Variants in WDFY3 observed in about 807,000 individuals in gnomAD.
The protein encoded by WDFY3 is WD repeat and FYVE domain containing 3, also known as WD repeat and FYVE domain-containing protein 3.
Under a neutral mutation model 409.6 loss-of-function variants are expected in WDFY3, and 66 were observed. The observed-to-expected ratio is 0.16, with a 90% CI of 0.13 to 0.20. The LOEUF (loss-of-function observed/expected upper bound fraction) is 0.20, where lower values mean the gene tolerates loss of function less well. WDFY3 is among the 10% of genes least tolerant of loss of function. The pLI is 1.00. For missense variants in WDFY3, 3,031 were observed against 4,298.1 expected, an observed-to-expected ratio of 0.71 and a Z score of 8.24; for synonymous variants, 1,521 against 1,537.1, an observed-to-expected ratio of 0.99 and a Z score of 0.25.
At chr4:84,882,714 CTA>C (rs1302839844) in intron 3 of WDFY3, among the ~76,000 whole-genome samples, 1 of 150,952 alleles carries the variant, frequency 6.6e-6, no homozygotes, top group South Asian at 2.1e-4. Flanking sequence ...ATTGTTTCAC[CTA>C]TATTTTTTTT....
chr4:84,700,741 C>T (rs1035577879), intron 56 of WDFY3, among the ~76,000 whole-genome samples: 1 of 152,184 alleles, frequency 6.6e-6, no homozygotes, highest in Non-Finnish European at 1.5e-5. Flanking sequence ...ATATTTGTCT[C>T]TTTGACAGTG....
At chr4:84,717,743 C>T (rs58516106) in intron 48 of WDFY3, among the ~76,000 whole-genome samples, 4,426 of 152,126 alleles carry the variant, frequency 0.029, 215 homozygotes, top group African/African-American at 0.1. Context: ...TAGGGTGCTC[C>T]GAGTACCTGA....
chr4:84,850,983 T>G (rs1758927749), intron 4 of WDFY3, among the ~76,000 whole-genome samples: 1 of 137,084 alleles, frequency 7.3e-6, no homozygotes, highest in Non-Finnish European at 1.5e-5. Flanking sequence ...AACTGGTTCT[T>G]GCTATATTGC....
chr4:84,913,616 G>A (rs1380989069), intron 2 of WDFY3, among the ~76,000 whole-genome samples: 1 of 152,022 alleles, frequency 6.6e-6, no homozygotes, highest in African/African-American at 2.4e-5. Flanking sequence ...AAAAAAAATC[G>A]ACATTAGACA....
At chr4:84,934,203 A>C (rs189175863) in intron 1 of WDFY3, among the ~76,000 whole-genome samples, 2 of 152,234 alleles carry the variant, frequency 1.3e-5, no homozygotes, top group Admixed American at 1.3e-4. Context: ...TGTCTTTTGC[A>C]TAAAAGCCAT....
chr4:84,851,803 G>A (rs371538174), intron 4 of WDFY3, among the ~76,000 whole-genome samples: 2 of 152,050 alleles, frequency 1.3e-5, no homozygotes, highest in East Asian at 3.9e-4. Context: ...AGACCCCACT[G>A]GATGCCTGAA....
chr4:84,720,428 T>C (rs1460998361), intron 47 of WDFY3, among the ~76,000 whole-genome samples: 2 of 152,076 alleles, frequency 1.3e-5, no homozygotes, highest in Non-Finnish European at 2.9e-5. Flanking sequence ...AAAAAAACAA[T>C]ATGAGTGACA....
intron 6 of WDFY3, among the ~76,000 whole-genome samples, chr4:84,839,694 C>T (rs1201473783): frequency 1.3e-5 from 2 of 151,862 alleles, no homozygotes; most frequent in African/African-American, 2.4e-5. Flanking sequence ...CCCGTCTCTA[C>T]CAAAAATACA....
In WDFY3 at chr4:84,919,817, T is replaced by C. The variant is rs546264474; in HGVS notation, c.-132+12453A>G. On this transcript the variant is annotated intron_variant, in intron 2 of 67. Transcript: ENST00000295888. ...TCTTTCCTTTATAAATCACCCAGTC[T>C]CAGGTATTTCTTCATTGCAGCGTGA... 2.4e-4 allele frequency among the ~76,000 whole-genome samples: 37 copies of C among 152,290 alleles called. No individual in the cohort carries two copies. In the South Asian group the frequency reaches 7.7e-3, roughly 32 times the overall value.
chr4:84,904,171 T>C (rs1383260025), intron 2 of WDFY3, among the ~76,000 whole-genome samples: 1 of 152,212 alleles, frequency 6.6e-6, no homozygotes, highest in South Asian at 2.1e-4. Flanking sequence ...AGACACTGAA[T>C]CTGCTGGTGC....
At chr4:84,924,503 T>A (rs1769716907) in intron 2 of WDFY3, among the ~76,000 whole-genome samples, 1 of 152,214 alleles carries the variant, frequency 6.6e-6, no homozygotes, top group South Asian at 2.1e-4. Flanking sequence ...TTACATGAAC[T>A]ATCTCTTTAA....
chr4:84,833,747 C>T lies in WDFY3; in HGVS notation c.577-2142G>A, dbSNP rs1350002697. ...AGAACAGAAGAGAACAGAAGAGAAG[C>T]GAAGCTCAATAGAGAGAGGTAGCTG... On this transcript the variant is annotated intron_variant, in intron 7 of 67. Transcript: ENST00000295888. 4.1e-5 allele frequency among the ~76,000 whole-genome samples: 6 copies of T among 147,756 alleles called. No individual in the cohort carries two copies. In the South Asian group the frequency reaches 6.4e-4, roughly 16 times the overall value.
At chr4:84,893,102 C>T (rs1765158978) in intron 3 of WDFY3, among the ~76,000 whole-genome samples, 2 of 152,104 alleles carry the variant, frequency 1.3e-5, no homozygotes, top group African/African-American at 4.8e-5. Flanking sequence ...GTTAAGCTCT[C>T]AAATGTCTGC....
intron 17 of WDFY3, among the ~76,000 whole-genome samples, chr4:84,799,099 G>T (rs1190030435): frequency 6.6e-6 from 1 of 152,016 alleles, no homozygotes; most frequent in East Asian, 1.9e-4. Flanking sequence ...AAAAAATCTT[G>T]CCCTTACTTT....
chr4:84,762,937 C>A (rs1742941949), intron 32 of WDFY3, among the ~76,000 whole-genome samples: 1 of 151,666 alleles, frequency 6.6e-6, no homozygotes, highest in Non-Finnish European at 1.5e-5. Flanking sequence ...CATAACAAGA[C>A]CCAATCTCTA....
chr4:84,778,463 T>C (rs1227446668), intron 27 of WDFY3, 40 bp downstream of exon 27: 1 of 1,476,044 alleles, frequency 6.8e-7, no homozygotes, highest in East Asian at 2.4e-5. Flanking sequence ...AAGAAATGCA[T>C]TCATTGATTA....
chr4:84,860,332 C>T, intron 4 of WDFY3, 80 bp downstream of exon 4: 7 of 1,459,324 alleles, frequency 4.8e-6, no homozygotes, highest in Admixed American at 2.2e-5. Context: ...TTTTTTTCTA[C>T]CTATGGCTTA....
chr4:84,781,063 C>T (rs987080531), intron 25 of WDFY3, among the ~76,000 whole-genome samples: 1 of 152,070 alleles, frequency 6.6e-6, no homozygotes, highest in Admixed American at 6.6e-5. Context: ...GAGAAGCTAT[C>T]CTGGCGGGGA....
At chr4:84,687,730 A>C (rs935456154) in intron 62 of WDFY3, 4 of 164,882 alleles carry the variant, frequency 2.4e-5, no homozygotes, top group Non-Finnish European at 5.2e-5. Flanking sequence ...TTTTTAAGAG[A>C]CAGTGTTTTG....
Sources: allele counts gnomAD v4.1 joint callset (sites outside exome capture counted in the v4.1 genomes callset), GRCh38; gene constraint gnomAD v4.1.1; transcripts MANE v1.5; gene names NCBI Gene and HGNC (gene_info 2026-07-23, HGNC 2026-07-21).